KIF16B: variants seen among roughly 807,000 people sequenced by gnomAD.
The protein encoded by KIF16B is kinesin-like protein KIF16B.
A neutral mutation model predicts 156.3 loss-of-function variants in KIF16B; 98 were observed. The ratio of observed to expected loss-of-function variants is 0.63; its 90% confidence interval spans 0.53 to 0.74. KIF16B has a LOEUF of 0.74. Ranked by LOEUF, KIF16B falls within the 30% of genes least tolerant of loss-of-function variation. The probability of loss-of-function intolerance (pLI) is 0.00; values close to 1 mark genes in which losing one functional copy is unlikely to be tolerated. For synonymous variants in KIF16B, 564 were observed against 583.7 expected, an observed-to-expected ratio of 0.97 and a Z score of 0.49; for missense variants, 1,421 against 1,606.5, an observed-to-expected ratio of 0.88 and a Z score of 1.97.
At chr20:16,368,728 C>T in intron 22 of KIF16B, 1 of 985,904 alleles carries the variant, frequency 1.0e-6, no homozygotes, top group Middle Eastern at 5.2e-4. Context: ...CTGCGGGGCA[C>T]TGCAGGATGC....
chr20:16,377,410 A>AT (rs1443659562), intron 19 of KIF16B, among the ~76,000 whole-genome samples: 3 of 151,342 alleles, frequency 2.0e-5, no homozygotes, highest in African/African-American at 7.4e-5. Flanking sequence ...AATAAAATAC[A>AT]TAAAATAAAT....
intron 12 of KIF16B, among the ~76,000 whole-genome samples, chr20:16,479,701 C>A (rs1208713532): frequency 1.3e-5 from 2 of 152,142 alleles, no homozygotes; most frequent in Non-Finnish European, 2.9e-5. Context: ...TGTGTGCCAA[C>A]TGCCTACAGT....
At chr20:16,525,988 C>A in intron 3 of KIF16B, 104 bp downstream of exon 3, 2 of 618,790 alleles carry the variant, frequency 3.2e-6, no homozygotes, top group Admixed American at 2.9e-5. Flanking sequence ...ACAAAAATTA[C>A]ATTCAGAAAG....
Position 16,287,186 on chromosome 20 carries a change from A to C in KIF16B, c.3796-13775T>G, listed in dbSNP as rs145608804. 1.7e-3 allele frequency among the ~76,000 whole-genome samples: 258 copies of C among 152,368 alleles called. 1 individual carries two copies. The highest frequency in any genetic ancestry group is 5.9e-3 in the African/African-American group (246 of 41,592). On this transcript the variant is annotated intron_variant, in intron 25 of 25. Transcript: ENST00000354981. ...ATGAGGGAATAAATGAAATTAGTCA[A>C]AGCAGAATGAAAAAAGTTTCTTTGG...
intron 22 of KIF16B, chr20:16,367,055 G>C: frequency 7.0e-7 from 1 of 1,418,948 alleles, no homozygotes; most frequent in Non-Finnish European, 9.2e-7. Flanking sequence ...TTAGCTACAC[G>C]GAGATATTCA....
chr20:16,301,187 C>T (rs1302603535), intron 25 of KIF16B, among the ~76,000 whole-genome samples: 2 of 152,196 alleles, frequency 1.3e-5, no homozygotes, highest in Non-Finnish European at 2.9e-5. Flanking sequence ...TTTAGTGCTA[C>T]ATAACATTCT....
At chr20:16,352,927 CA>C (rs1490078265) in intron 23 of KIF16B, among the ~76,000 whole-genome samples, 1 of 152,170 alleles carries the variant, frequency 6.6e-6, no homozygotes, top group African/African-American at 2.4e-5. Flanking sequence ...GGTCTTATAC[CA>C]GGGGGTGTCA....
At chr20:16,529,858 G>A (rs2069681390) in intron 1 of KIF16B, among the ~76,000 whole-genome samples, 1 of 152,146 alleles carries the variant, frequency 6.6e-6, no homozygotes, top group Non-Finnish European at 1.5e-5. Context: ...GGCTGAGGCA[G>A]GAGAATCACT....
chr20:16,548,465 G>A (rs968183947), intron 1 of KIF16B, among the ~76,000 whole-genome samples: 12 of 152,212 alleles, frequency 7.9e-5, no homozygotes, highest in African/African-American at 2.9e-4. Flanking sequence ...GGAGGTCAGC[G>A]GCAGGCAAGC....
chr20:16,361,810 C>A (rs1464275416), intron 22 of KIF16B, among the ~76,000 whole-genome samples: 1 of 152,140 alleles, frequency 6.6e-6, no homozygotes, highest in Non-Finnish European at 1.5e-5. Flanking sequence ...ATGATTCTCA[C>A]CAGAATCAAT....
intron 12 of KIF16B, among the ~76,000 whole-genome samples, chr20:16,468,513 T>C (rs571010225): frequency 2.8e-5 from 4 of 144,060 alleles, no homozygotes; most frequent in Admixed American, 7.0e-5. Context: ...GGGGAGGAGA[T>C]TGCAGTGAGC....
rs540857856 is a variant in KIF16B at position 16,472,710 on chromosome 20, TCACTA to T, written c.1302+21576_1302+21580del. On this transcript the variant is annotated intron_variant, in intron 12 of 25. Transcript: ENST00000354981. Reference sequence around the variant, plus strand: ...CATGATAACGTCATGCCACGCGCTCTCACTACACTGTGTTCAGAGAACAAACCTCT... The same window carrying T: ...CATGATAACGTCATGCCACGCGCTCTCACTGTGTTCAGAGAACAAACCTCT... Among the ~76,000 whole-genome samples the T allele has an allele frequency of 1.7e-4, 26 of 152,244 alleles. No individual in the cohort carries two copies. The East Asian group carries it at 5.0e-3, about 29-fold the overall frequency.
At chr20:16,495,675 T>C (rs2068429231) in intron 11 of KIF16B, among the ~76,000 whole-genome samples, 1 of 152,140 alleles carries the variant, frequency 6.6e-6, no homozygotes, top group African/African-American at 2.4e-5. Flanking sequence ...TTGCTTGTTT[T>C]CTTGTTGTTG....
At chr20:16,454,740 T>C (rs1378920620) in intron 12 of KIF16B, among the ~76,000 whole-genome samples, 2 of 152,108 alleles carry the variant, frequency 1.3e-5, no homozygotes, top group Non-Finnish European at 2.9e-5. Context: ...TTAATGGACT[T>C]AGGAATCAAG....
chr20:16,431,338 G>C (rs1302913720), intron 12 of KIF16B, among the ~76,000 whole-genome samples: 1 of 152,134 alleles, frequency 6.6e-6, no homozygotes, highest in East Asian at 1.9e-4. Flanking sequence ...CAAAGTCTTT[G>C]TGATGTTCTA....
intron 20 of KIF16B, among the ~76,000 whole-genome samples, chr20:16,373,236 T>C (rs1052492411): frequency 6.6e-6 from 1 of 152,212 alleles, no homozygotes; most frequent in Admixed American, 6.5e-5. Context: ...CTACTGAACA[T>C]GAGTGAAGGC....
chr20:16,551,132 C>CTTCTTTT (rs55770608), intron 1 of KIF16B, among the ~76,000 whole-genome samples: 18,061 of 138,882 alleles, frequency 0.13, 1,468 homozygotes, highest in Non-Finnish European at 0.18. Context: ...GCTTTCTCTT[C>CTTCTTTT]TTTTTTTTTT....
At chr20:16,428,108 T>C (rs755918239) in intron 14 of KIF16B, among the ~76,000 whole-genome samples, 13 of 152,120 alleles carry the variant, frequency 8.5e-5, no homozygotes, top group African/African-American at 2.9e-4. Context: ...TACCCAAACA[T>C]AGGTGAATCT....
At chr20:16,463,065 T>G (rs572450414) in intron 12 of KIF16B, among the ~76,000 whole-genome samples, 1 of 152,190 alleles carries the variant, frequency 6.6e-6, no homozygotes, top group Non-Finnish European at 1.5e-5. Context: ...GTCCAACCAA[T>G]CTTGTGCTCC....
Sources: gnomAD v4.1 joint callset for allele counts (sites outside exome capture counted in the v4.1 genomes callset) on GRCh38, gnomAD v4.1.1 for gene constraint, MANE v1.5 for transcripts, NCBI Gene and HGNC (gene_info 2026-07-23, HGNC 2026-07-21) for gene names.